Variants in TTC21A observed in about 807,000 individuals in gnomAD.
TTC21A encodes the protein tetratricopeptide repeat protein 21A.
Under a neutral mutation model 156.4 loss-of-function variants are expected in TTC21A, and 128 were observed. The observed-to-expected ratio is 0.82, with a 90% CI of 0.71 to 0.95. TTC21A has a LOEUF of 0.95. Among genes scored for constraint, TTC21A ranks in the 40% least tolerant of loss-of-function variants. The pLI is 0.00. For synonymous variants in TTC21A, 587 were observed against 617.1 expected, an observed-to-expected ratio of 0.95 and a Z score of 0.72; for missense variants, 1,435 against 1,602.3, an observed-to-expected ratio of 0.90 and a Z score of 1.78.
In TTC21A at chr3:39,134,096, G is replaced by A. The variant is rs76642909; in HGVS notation, c.2752-122G>A. ...GCCAGGACGTTCACGTGGGGAATTC[G>A]AGACATATTTTGAAGGCAGAGCTGA... On this transcript the variant is annotated intron_variant, in intron 20 of 28. Coordinates refer to ENST00000683103, the MANE Select transcript of TTC21A (RefSeq NM_001366900.1). This position sits in a 1 kb window ranked among gnomAD's most constrained non-coding sequence, Gnocchi z 4.6. 1.6e-4 allele frequency: 117 copies of A among 720,372 alleles called. No individual in the cohort carries two copies. The highest frequency in any genetic ancestry group is 1.5e-3 in the East Asian group (60 of 40,480). 44.6% of individuals were successfully genotyped at this position (720,372 alleles called of 1,614,324 possible). A position where few individuals can be genotyped will look rare whatever the true frequency, so the allele number is the denominator to read the frequency against.
intron 26 of TTC21A, 43 bp from the exon 27 acceptor site, chr3:39,138,224 G>A (rs2039285189): frequency 1.9e-6 from 3 of 1,612,098 alleles, no homozygotes; most frequent in Non-Finnish European, 2.5e-6. Context: ...GGAACCAGTT[G>A]GGGCTTCCGC....
chr3:39,128,238 G>T, intron 12 of TTC21A, 93 bp from the exon 13 acceptor site: 1 of 1,394,756 alleles, frequency 7.2e-7, no homozygotes, highest in Non-Finnish European at 9.9e-7. Flanking sequence ...TATTTCTGGG[G>T]AACAGGACAT....
Position 39,134,374 on chromosome 3 carries a change from C to G in TTC21A, c.2862+46C>G. On this transcript the variant is annotated intron_variant, in intron 21 of 28. Coordinates refer to ENST00000683103, the MANE Select transcript of TTC21A (RefSeq NM_001366900.1). This position sits in a 1 kb window ranked among gnomAD's most constrained non-coding sequence, Gnocchi z 4.6. ...ACTCCCTCCCCTCCCTTCCTCCCTT[C>G]CCAGGGTCCCTGTGACCAGATGCAG... 1 of 1,371,678 alleles carries G rather than the reference C, an allele frequency of 7.3e-7. No individual in the cohort carries two copies. Among genetic ancestry groups the G allele is most frequent in the Non-Finnish European group, 1.0e-6 (1 of 958,872 alleles). 85.0% of individuals were successfully genotyped at this position (1,371,678 alleles called of 1,614,324 possible).
intron 8 of TTC21A, among the ~76,000 whole-genome samples, chr3:39,120,275 G>A (rs2037660093): frequency 6.6e-6 from 1 of 152,206 alleles, no homozygotes; most frequent in South Asian, 2.1e-4. Flanking sequence ...GTCTGAAAGT[G>A]CTTTTGGAGT....
intron 5 of TTC21A, among the ~76,000 whole-genome samples, chr3:39,113,887 C>T (rs1442685982): frequency 6.6e-6 from 1 of 152,210 alleles, no homozygotes; most frequent in Non-Finnish European, 1.5e-5. Flanking sequence ...CTTCATTATA[C>T]GGAATAATCC....
At chr3:39,113,703 G>A (rs2037025007) in intron 5 of TTC21A, among the ~76,000 whole-genome samples, 1 of 152,228 alleles carries the variant, frequency 6.6e-6, no homozygotes, top group African/African-American at 2.4e-5. Flanking sequence ...TTTTCTTCAT[G>A]TAATATTTTC....
At chr3:39,124,385 C>T (rs576785421) in intron 9 of TTC21A, among the ~76,000 whole-genome samples, 2 of 152,112 alleles carry the variant, frequency 1.3e-5, no homozygotes, top group Non-Finnish European at 2.9e-5. Flanking sequence ...TGTGGCCAGG[C>T]GCAGTGGCTC....
intron 8 of TTC21A, among the ~76,000 whole-genome samples, chr3:39,120,529 T>A (rs548900300): frequency 1.3e-5 from 2 of 152,288 alleles, no homozygotes; most frequent in Admixed American, 1.3e-4. Flanking sequence ...CTAGAAGTAG[T>A]TGCTGTAAGA....
chr3:39,127,103 AGGCCCAGACCCT>A (rs1211122929), intron 12 of TTC21A, among the ~76,000 whole-genome samples: 1 of 152,150 alleles, frequency 6.6e-6, no homozygotes, highest in Non-Finnish European at 1.5e-5. Context: ...TCCCTTCTCA[AGGCCCAGACCCT>A]GGAGAGAAAG....
At position 39,108,943 on chromosome 3, in the gene TTC21A, C is replaced by G. The variant is rs139446634; in HGVS notation, c.28-142C>G. Reference sequence around the variant, plus strand: ...AGGGCTGTTAGAGGACAGGATGAGGCCTGAATGTTTCCTCTTTCTCTTCCC... The same window carrying G: ...AGGGCTGTTAGAGGACAGGATGAGGGCTGAATGTTTCCTCTTTCTCTTCCC... On this transcript the variant is annotated intron_variant, in intron 1 of 28. Coordinates refer to ENST00000683103, the MANE Select transcript of TTC21A (RefSeq NM_001366900.1). 4.1e-5 allele frequency: 37 copies of G among 906,408 alleles called. 1 individual carries two copies. The Middle Eastern group carries it at 1.6e-3, about 40-fold the overall frequency. 56.1% of individuals were successfully genotyped at this position (906,408 alleles called of 1,614,324 possible).
chr3:39,128,178 G>A (rs1237200739), intron 12 of TTC21A, among the ~76,000 whole-genome samples, 153 bp from the exon 13 acceptor site: 1 of 152,178 alleles, frequency 6.6e-6, no homozygotes, highest in African/African-American at 2.4e-5. Flanking sequence ...TTTTAGAAAT[G>A]GACCCCTGAG....
At chr3:39,133,942 C>A (rs2038920717) in intron 20 of TTC21A, among the ~76,000 whole-genome samples, 1 of 152,140 alleles carries the variant, frequency 6.6e-6, no homozygotes, top group Admixed American at 6.5e-5. Flanking sequence ...GAGTCTGGGG[C>A]ACAGAGGGCT....
intron 20 of TTC21A, 127 bp downstream of exon 20, chr3:39,133,367 C>A: frequency 2.1e-6 from 2 of 947,072 alleles, no homozygotes; most frequent in Non-Finnish European, 3.1e-6. Flanking sequence ...ATATGATGGG[C>A]ATGGGAGGCC....
At chr3:39,138,147 G>A in intron 26 of TTC21A, 120 bp from the exon 27 acceptor site, 2 of 1,501,994 alleles carry the variant, frequency 1.3e-6, no homozygotes, top group Middle Eastern at 2.0e-4. Context: ...TGGCAGTTTG[G>A]TTTATGGCAG....
chr3:39,110,011 T>C lies in TTC21A; in HGVS notation c.158-18T>C. 4 of 1,589,656 alleles carry C rather than the reference T, an allele frequency of 2.5e-6. No individual in the cohort carries two copies. Among genetic ancestry groups the C allele is most frequent in the Non-Finnish European group, 2.6e-6 (3 of 1,158,610 alleles). On this transcript the variant is annotated intron_variant, in intron 2 of 28. Coordinates refer to ENST00000683103, the MANE Select transcript of TTC21A (RefSeq NM_001366900.1). ...GTCCTGGAGCTTGAGAGTATAACTA[T>C]GTGGACTGTCTTTGCAGAGCACATC...
intron 15 of TTC21A, 149 bp downstream of exon 15, chr3:39,129,459 A>C (rs1236219424): frequency 1.4e-6 from 1 of 720,306 alleles, no homozygotes; most frequent in Non-Finnish European, 2.4e-6. Flanking sequence ...ATGGGTTACA[A>C]TTTGAGCATG....
chr3:39,112,391 C>G (rs1425649236), intron 4 of TTC21A, 67 bp from the exon 5 acceptor site: 2 of 1,563,026 alleles, frequency 1.3e-6, no homozygotes, highest in East Asian at 4.5e-5. Context: ...AAGTGTGGAT[C>G]ATGTGCAGGC....
At position 39,114,991 on chromosome 3, in the gene TTC21A, T is replaced by C. The variant is rs191414432; in HGVS notation, c.716+249T>C. ...TCAAGAAACAGAGGGTAAAGGCTTA[T>C]TGTTTAGAAGAGACAGGGAAGGACC... On this transcript the variant is annotated intron_variant, in intron 6 of 28. Coordinates refer to ENST00000683103, the MANE Select transcript of TTC21A (RefSeq NM_001366900.1). Among the ~76,000 whole-genome samples, 16 of 152,268 alleles carry C rather than the reference T, an allele frequency of 1.1e-4. No homozygotes were observed. The East Asian group carries it at 2.9e-3, about 28-fold the overall frequency.
intron 1 of TTC21A, chr3:39,108,112 T>C (rs894482720): frequency 1.7e-6 from 1 of 584,356 alleles, no homozygotes; most frequent in Non-Finnish European, 3.0e-6. Context: ...ACTATCATTA[T>C]CCCTTCTTGT....
Sources: gnomAD v4.1 joint callset for allele counts (sites outside exome capture counted in the v4.1 genomes callset) on GRCh38, gnomAD v4.1.1 for gene constraint, Gnocchi (gnomAD v3.1) non-coding constraint, MANE v1.5 for transcripts, NCBI Gene and HGNC (gene_info 2026-07-23, HGNC 2026-07-21) for gene names.